KDM5C: variants seen among roughly 807,000 people sequenced by gnomAD.
KDM5C encodes the protein lysine demethylase 5C.
In KDM5C, 16 loss-of-function variants were observed where a neutral mutation model predicts 110.6. The observed-to-expected ratio is 0.14, with a 90% CI of 0.10 to 0.22. The LOEUF (loss-of-function observed/expected upper bound fraction) is 0.22, where lower values mean the gene tolerates loss of function less well. KDM5C is among the 10% of genes least tolerant of loss of function. KDM5C has a pLI of 1.00. For synonymous variants in KDM5C, 511 were observed against 520.4 expected, an observed-to-expected ratio of 0.98 and a Z score of 0.24; for missense variants, 681 against 1,300.9, an observed-to-expected ratio of 0.52 and a Z score of 7.33.
intron 25 of KDM5C, among the ~76,000 whole-genome samples, chrX:53,179,652 G>T (rs1290295295): frequency 9.0e-6 from 1 of 111,458 alleles, no homozygotes; most frequent in Non-Finnish European, 1.9e-5. Flanking sequence ...CACCAAAAAA[G>T]ATATACAGAT....
chrX:53,212,509 T>C (rs1240526189), intron 8 of KDM5C: 1 of 113,018 alleles, frequency 8.8e-6, no homozygotes, highest in Non-Finnish European at 1.8e-5. Flanking sequence ...TTTCACCATG[T>C]TGGCCAGGCT....
rs2073894051 is a variant in KDM5C at position 53,221,348 on chromosome X, T to G, written c.151-432A>C. ...AGAGTCAGAAGATATGGGTTCATGT[T>G]CTAGATCCGCTACTTACTAGCTATG... On this transcript the variant is annotated intron_variant, in intron 1 of 25. Transcript: ENST00000375401. Among the ~76,000 whole-genome samples the G allele has an allele frequency of 2.7e-5, 3 of 111,564 alleles. No individual in the cohort carries two copies. The Admixed American group carries it at 2.9e-4, about 11-fold the overall frequency.
chrX:53,179,112 T>C (rs977582166), intron 25 of KDM5C, among the ~76,000 whole-genome samples: 4 of 111,847 alleles, frequency 3.6e-5, no homozygotes, highest in African/African-American at 1.3e-4. Flanking sequence ...CAGGTGCCTA[T>C]AGTCCCATCT....
exon 26 of KDM5C, among the ~76,000 whole-genome samples, chrX:53,176,476 G>A (rs181735075): frequency 1.1e-4 from 12 of 111,770 alleles, no homozygotes; most frequent in South Asian, 7.4e-4. Context: ...GTGTCTCACC[G>A]TAACCATATG....
Position 53,214,795 on chromosome X carries a change from A to C in KDM5C, c.1016T>G (p.Leu339Arg). 1.7e-6 allele frequency: 2 copies of C among 1,211,913 alleles called. No individual in the cohort carries two copies. Among genetic ancestry groups the C allele is most frequent in the Non-Finnish European group, 2.2e-6 (2 of 895,486 alleles). The change falls in exon 8 of 26, where the codon CTC becomes CGC. Residue 339 changes from leucine (L) to arginine (R), a missense_variant. Around this residue, in one of 14 missense-constraint regions of KDM5C, gnomAD observed 71 missense variants for 115.0 expected, o/e 0.62. Coordinates refer to ENST00000375401, the MANE Select transcript of KDM5C (RefSeq NM_004187.5). ...GTCATCACAGCCATCACACAGCAGGAGCTTGTCATCCTCATCCCCTCGAGA... is the reference window on the plus strand; with the variant it reads ...GTCATCACAGCCATCACACAGCAGGCGCTTGTCATCCTCATCCCCTCGAGA... ...MCSRGDEDDKLLLCDGCDDNY... is the reference protein window; with the variant it reads ...MCSRGDEDDKRLLCDGCDDNY...
chrX:53,204,657 C>T lies in KDM5C; in HGVS notation c.1747-2684G>A, dbSNP rs782119526. On this transcript the variant is annotated intron_variant, in intron 12 of 25. Transcript: ENST00000375401. ...GACTACAGGCATCCGCCACCATGCC[C>T]GGCTAATTTTTTGTATTTTTGTTAG... Among the ~76,000 whole-genome samples, 11 of 111,292 alleles carry T rather than the reference C, an allele frequency of 9.9e-5. No individual in the cohort carries two copies. In the Admixed American group the frequency reaches 1.0e-3, roughly 11 times the overall value.
Position 53,217,837 on chromosome X carries a change from C to T in KDM5C, c.481G>A (p.Val161Ile). The T allele has an allele frequency of 8.3e-7, 1 of 1,209,950 alleles. No homozygotes were observed. Among genetic ancestry groups the T allele is most frequent in the South Asian group, 1.8e-5 (1 of 56,805 alleles). The part of the protein sequence containing the change: ...SLLRSHYERI[V>I]YPYEMYQSGA... The stretch of plus-strand genomic sequence containing the variant: ...GACTGGTACATTTCATAGGGATAAA[C>T]AATGCGTTCGTAGTGGGAGCGTAGC... The change falls in exon 4 of 26, where the codon GTT becomes ATT. Residue 161 changes from valine (V) to isoleucine (I), a missense_variant. Physicochemically the swap from Val to Ile is conservative, Grantham distance 29. Transcript: ENST00000375401.
Position 53,218,577 on chromosome X carries a change from C to A in KDM5C, c.229-179G>T, listed in dbSNP as rs1002840327. 8.9e-6 allele frequency: 5 copies of A among 563,110 alleles called. No individual in the cohort carries two copies. In the Admixed American group the frequency reaches 1.1e-4, roughly 12 times the overall value. The allele number at this position is 563,110 out of a possible 1,213,427, so 46.4% of individuals were successfully genotyped here. A position where few individuals can be genotyped will look rare whatever the true frequency, so the allele number is the denominator to read the frequency against. On this transcript the variant is annotated intron_variant, in intron 2 of 25. Coordinates refer to ENST00000375401, the MANE Select transcript of KDM5C (RefSeq NM_004187.5). ...GCTTAGCCCCACCTCACTCTCATTT[C>A]TTTCGTTTTTGTTTTTTTGAGACGG...
intron 12 of KDM5C, among the ~76,000 whole-genome samples, chrX:53,204,238 CTTTTTTTTTTT>C (rs10604955): frequency 1.3e-4 from 8 of 60,793 alleles, no homozygotes; most frequent in Admixed American, 2.1e-4. Flanking sequence ...AAAGAAAATC[CTTTTTTTTTTT>C]TTTTTTTTTT....
chrX:53,192,883 C>CCCCCCCACA lies in KDM5C; in HGVS notation c.*83_*84insTGTGGGGGG. On this transcript the variant is annotated 3_prime_UTR_variant, in exon 26 of 26. Transcript: ENST00000375401. ...GCCACCCCCCTACCCGCCCACCCCC[C>CCCCCCCACA]AAGAAGCAGGCTTGATGGTCAGAAA... 9.4e-7 allele frequency: 1 copy of CCCCCCCACA among 1,063,300 alleles called. No individual in the cohort carries two copies. Among genetic ancestry groups the CCCCCCCACA allele is most frequent in the Non-Finnish European group, 1.2e-6 (1 of 809,530 alleles). The allele number at this position is 1,063,300 out of a possible 1,213,427, so 87.6% of individuals were successfully genotyped here. A position where few individuals can be genotyped will look rare whatever the true frequency, so the allele number is the denominator to read the frequency against.
chrX:53,181,088 G>C (rs1346620663), intron 25 of KDM5C, among the ~76,000 whole-genome samples: 1 of 109,689 alleles, frequency 9.1e-6, no homozygotes, highest in Non-Finnish European at 1.9e-5. Flanking sequence ...AAATTGCTGG[G>C]ATTAGAGGTG....
chrX:53,192,876 C>CA lies in KDM5C; in HGVS notation c.*90dup. ...AGGGATGGCCACCCCCCTACCCGCC[C>CA]ACCCCCCAAGAAGCAGGCTTGATGG... On this transcript the variant is annotated 3_prime_UTR_variant, in exon 26 of 26. Transcript: ENST00000375401. 3 of 987,014 alleles carry CA rather than the reference C, an allele frequency of 3.0e-6. No homozygotes were observed. Among genetic ancestry groups the CA allele is most frequent in the Non-Finnish European group, 4.0e-6 (3 of 749,299 alleles). The allele number at this position is 987,014 out of a possible 1,213,427, so 81.3% of individuals were successfully genotyped here.
At chrX:53,189,122 A>T (rs1235751182), downstream of KDM5C, among the ~76,000 whole-genome samples, 1 of 112,561 alleles carries the variant, frequency 8.9e-6, no homozygotes, top group Non-Finnish European at 1.9e-5. Flanking sequence ...TGTAGCAAAT[A>T]TATAACCAAT....
intron 12 of KDM5C, among the ~76,000 whole-genome samples, chrX:53,210,124 C>A (rs1478867743): frequency 2.7e-5 from 3 of 112,431 alleles, no homozygotes; most frequent in African/African-American, 9.7e-5. Context: ...TTGTCTAGCC[C>A]TGCACTTCCC....
chrX:53,186,117 G>A (rs1453288926), intron 25 of KDM5C, among the ~76,000 whole-genome samples: 1 of 111,703 alleles, frequency 9.0e-6, no homozygotes, highest in Non-Finnish European at 1.9e-5. Context: ...GAGTGGGATG[G>A]GGTTATACAT....
chrX:53,198,906 G>A lies in KDM5C; in HGVS notation c.2244-18C>T, dbSNP rs2146851494. ...ACCGATACCTGGAGGAAGAGGGCAG[G>A]CAAGAGCATGTCTGGCCCAGCTCTC... is the stretch of plus-strand genomic sequence containing the variant. On this transcript the variant is annotated intron_variant, in intron 15 of 25. Coordinates refer to ENST00000375401, the MANE Select transcript of KDM5C (RefSeq NM_004187.5). 1 of 1,212,106 alleles carries A rather than the reference G, an allele frequency of 8.3e-7. No homozygotes were observed.
At chrX:53,191,513 T>C (rs188777635), downstream of KDM5C, 532 of 173,326 alleles carry the variant, frequency 3.1e-3, 5 homozygotes, top group African/African-American at 0.015. Flanking sequence ...AGTGGGTGAC[T>C]GTATGGTATG....
intron 12 of KDM5C, among the ~76,000 whole-genome samples, chrX:53,204,761 G>A (rs1385704909): frequency 8.9e-6 from 1 of 112,035 alleles, no homozygotes; most frequent in African/African-American, 3.2e-5. Context: ...CTCCCAAAGT[G>A]CTGGGATTAC....
intron 25 of KDM5C, among the ~76,000 whole-genome samples, chrX:53,182,291 C>A (rs1934089121): frequency 9.1e-6 from 1 of 110,089 alleles, no homozygotes; most frequent in Admixed American, 9.7e-5. Context: ...CCATGTTGGT[C>A]AGGCTGGTCT....
Sources: gnomAD v4.1 joint callset for allele counts (sites outside exome capture counted in the v4.1 genomes callset) on GRCh38, gnomAD v4.1.1 for gene constraint, gnomAD v4.1.1 regional missense constraint, MANE v1.5 for transcripts, NCBI Gene and HGNC (gene_info 2026-07-23, HGNC 2026-07-21) for gene names.